Variants in VPS13D observed in about 807,000 individuals in gnomAD.
The protein encoded by VPS13D is intermembrane lipid transfer protein VPS13D.
A neutral mutation model predicts 461.9 loss-of-function variants in VPS13D; 187 were observed. The observed-to-expected ratio is 0.40, with a 90% CI of 0.36 to 0.46. VPS13D has a LOEUF of 0.46. Ranked by LOEUF, VPS13D falls within the 20% of genes least tolerant of loss-of-function variation. The pLI, the probability that VPS13D is intolerant of heterozygous loss-of-function variation, is 0.60. For missense variants in VPS13D, 4,711 were observed against 5,364.9 expected, an observed-to-expected ratio of 0.88 and a Z score of 3.81; for synonymous variants, 1,951 against 1,986.3, an observed-to-expected ratio of 0.98 and a Z score of 0.47.
Position 12,509,235 on chromosome 1 carries a change from A to AT in VPS13D, c.*216dup. On this transcript the variant is annotated 3_prime_UTR_variant, in exon 70 of 70. Coordinates refer to ENST00000620676, the MANE Select transcript of VPS13D (RefSeq NM_015378.4). ...GAGTTATTTTAGATTATGGGAAATA[A>AT]TTTTTAAAGGTATTGGTTAAATAAC... 1 of 578,762 alleles carries AT rather than the reference A, an allele frequency of 1.7e-6. No individual in the cohort carries two copies. Among genetic ancestry groups the AT allele is most frequent in the Non-Finnish European group, 2.9e-6 (1 of 349,884 alleles). The allele number at this position is 578,762 out of a possible 1,614,324, so 35.9% of individuals were successfully genotyped here.
chr1:12,377,013 T>C (rs932342847), intron 55 of VPS13D, among the ~76,000 whole-genome samples: 2 of 152,162 alleles, frequency 1.3e-5, no homozygotes, highest in African/African-American at 4.8e-5. Context: ...GAGGGACATA[T>C]GTCACTGGAT....
At chr1:12,367,866 C>T (rs545597086) in intron 52 of VPS13D, among the ~76,000 whole-genome samples, 133 of 152,252 alleles carry the variant, frequency 8.7e-4, no homozygotes, top group African/African-American at 2.4e-3. Context: ...CTCAGCCTCC[C>T]GAAGTGCTGG....
intron 34 of VPS13D, among the ~76,000 whole-genome samples, chr1:12,323,453 G>A (rs981756596): frequency 6.6e-6 from 1 of 151,852 alleles, no homozygotes; most frequent in Non-Finnish European, 1.5e-5. Flanking sequence ...GGCCAGATGC[G>A]AAATAGACCT....
At chr1:12,454,050 G>T (rs534116972) in intron 65 of VPS13D, among the ~76,000 whole-genome samples, 1 of 152,232 alleles carries the variant, frequency 6.6e-6, no homozygotes, top group East Asian at 1.9e-4. Context: ...GTTCCTCCTT[G>T]GACTAGTAGC....
At chr1:12,366,734 A>G (rs1164953173) in intron 52 of VPS13D, among the ~76,000 whole-genome samples, 1 of 152,224 alleles carries the variant, frequency 6.6e-6, no homozygotes, top group Non-Finnish European at 1.5e-5. Context: ...TTTAAACTAT[A>G]GGAAAGTTAC....
Position 12,378,444 on chromosome 1 carries a change from C to G in VPS13D, c.10934C>G (p.Ser3645Cys). ...ACTTAACAGGAACCAGGAAAGCGTT[C>G]TCAGCTGTGGAGGATGACAGGAACA... is the stretch of plus-strand genomic sequence containing the variant. ...ILKKKEPGKR[S>C]QLWRMTGTGM... Residue 3645 changes from serine to cysteine, a missense_variant, in exon 56 of 70, where the codon TCT becomes TGT. By Grantham distance (112) the Ser-to-Cys change is moderately radical. This residue lies in a region of VPS13D where 4,411 missense variants were observed against 4,937.8 expected (regional missense o/e 0.89). Transcript: ENST00000620676. 1 of 1,606,428 alleles carries G rather than the reference C, an allele frequency of 6.2e-7. No individual in the cohort carries two copies. The highest frequency in any genetic ancestry group is 8.5e-7 in the Non-Finnish European group (1 of 1,177,168).
chr1:12,297,162 A>G (rs142200037), intron 24 of VPS13D, among the ~76,000 whole-genome samples: 1 of 152,142 alleles, frequency 6.6e-6, no homozygotes, highest in Non-Finnish European at 1.5e-5. Context: ...TTCACCTTGT[A>G]TTGGTGACAC....
At position 12,507,193 on chromosome 1, in the gene VPS13D, T is replaced by A. The variant is rs1461069056; in HGVS notation, c.13035+100T>A. On this transcript the variant is annotated intron_variant, in intron 69 of 69. Transcript: ENST00000620676. The surrounding 1 kb of genome is among the most constrained non-coding windows in gnomAD (Gnocchi z 5.3). The stretch of plus-strand genomic sequence containing the variant: ...CTCAGCAGGAGCTCATTTAGGAGGT[T>A]GAGGCTGGGCCCTTCCCAGGAGTGC... 1 of 1,601,418 alleles carries A rather than the reference T, an allele frequency of 6.2e-7. No individual in the cohort carries two copies. The highest frequency in any genetic ancestry group is 8.5e-7 in the Non-Finnish European group (1 of 1,173,584).
intron 26 of VPS13D, among the ~76,000 whole-genome samples, chr1:12,306,749 T>C (rs1642575995): frequency 6.6e-6 from 1 of 152,138 alleles, no homozygotes; most frequent in East Asian, 1.9e-4. Context: ...TGGAAGACAA[T>C]TTTTCCACAG....
intron 67 of VPS13D, among the ~76,000 whole-genome samples, chr1:12,489,692 C>T (rs1645849652): frequency 6.6e-6 from 1 of 152,292 alleles, no homozygotes; most frequent in Non-Finnish European, 1.5e-5. Flanking sequence ...CTCGTGTGCA[C>T]CCATGGCACT....
intron 52 of VPS13D, among the ~76,000 whole-genome samples, chr1:12,364,324 T>A (rs894921059): frequency 2.6e-5 from 4 of 152,198 alleles, no homozygotes. Flanking sequence ...TTTGTCTTTT[T>A]GTGACTGGCT....
rs143614842 is a variant in VPS13D, at chr1:12,283,107, C to T, written c.5005C>T (p.His1669Tyr). Residue 1669 changes from histidine (H) to tyrosine (Y), a missense_variant, in exon 21 of 70, where the codon CAT becomes TAT. Physicochemically the swap from His to Tyr is moderately conservative, Grantham distance 83. Coordinates refer to ENST00000620676, the MANE Select transcript of VPS13D (RefSeq NM_015378.4). Reference protein sequence around the residue: ...PQTLSIQIALHSLLMEDLLEK... With the variant: ...PQTLSIQIALYSLLMEDLLEK... ...GACTTTATCTATTCAGATTGCCCTG[C>T]ATTCTCTGCTGATGGAGGACTTATT... The T allele has an allele frequency of 1.5e-5, 24 of 1,614,034 alleles. No individual in the cohort carries two copies. The highest frequency in any genetic ancestry group is 1.9e-5 in the Non-Finnish European group (23 of 1,180,026).
In VPS13D at chr1:12,262,155, G is replaced by C. The variant is rs190834222; in HGVS notation, c.1594+75G>C. The C allele has an allele frequency of 4.9e-5, 73 of 1,493,032 alleles. No individual in the cohort carries two copies. The African/African-American group carries it at 8.4e-4, about 17-fold the overall frequency. 92.5% of individuals were successfully genotyped at this position (1,493,032 alleles called of 1,614,324 possible). A position where few individuals can be genotyped will look rare whatever the true frequency, so the allele number is the denominator to read the frequency against. On this transcript the variant is annotated intron_variant, in intron 13 of 69. Transcript: ENST00000620676. ...AATGTCCAGGCGATTCTCATTATTTGCTGTGGGGATAGTCTAGAAAGTCAG... is the reference window on the plus strand; with the variant it reads ...AATGTCCAGGCGATTCTCATTATTTCCTGTGGGGATAGTCTAGAAAGTCAG...
chr1:12,279,936 C>A lies in VPS13D; in HGVS notation c.4602+286C>A, dbSNP rs1198581667. Among the ~76,000 whole-genome samples, 2 of 152,076 alleles carry A rather than the reference C, an allele frequency of 1.3e-5. No homozygotes were observed. The highest frequency in any genetic ancestry group is 2.9e-5 in the Non-Finnish European group (2 of 68,012). On this transcript the variant is annotated intron_variant, in intron 20 of 69. Transcript: ENST00000620676. This position sits in a 1 kb window ranked among gnomAD's most constrained non-coding sequence, Gnocchi z 4.3. ...TCAGAAATGGGGAAATGATTGCTTA[C>A]AAAGTCAGAGTCTCCTTTCCCAGGA...
At chr1:12,447,435 A>G (rs1257633373) in intron 65 of VPS13D, among the ~76,000 whole-genome samples, 1 of 152,166 alleles carries the variant, frequency 6.6e-6, no homozygotes, top group Non-Finnish European at 1.5e-5. Flanking sequence ...GAGAGGCCCC[A>G]AAGACAGTGG....
At chr1:12,451,339 CT>C (rs530494898) in intron 65 of VPS13D, among the ~76,000 whole-genome samples, 154 of 152,288 alleles carry the variant, frequency 1.0e-3, no homozygotes, top group Non-Finnish European at 1.6e-3. Context: ...TTTTTACCCC[CT>C]TGCTGAAAAT....
chr1:12,318,255 T>A lies in VPS13D; in HGVS notation c.7332T>A (p.Thr2444=). The stretch of plus-strand genomic sequence containing the variant: ...GCGAATCTGCTATAGTTCCCAAAAC[T>A]GTGAAGAGTGGAGTAGTTACCAAGC... ...SSSESAIVPK[T]VKSGVVTKRS... Residue 2444 remains threonine, a synonymous_variant, in exon 31 of 70, where the codon ACT becomes ACA. Transcript: ENST00000620676. 2 of 1,614,164 alleles carry A rather than the reference T, an allele frequency of 1.2e-6. No homozygotes were observed. Among genetic ancestry groups the A allele is most frequent in the Non-Finnish European group, 1.7e-6 (2 of 1,180,020 alleles).
chr1:12,283,108 A>G lies in VPS13D; in HGVS notation c.5006A>G (p.His1669Arg), dbSNP rs1394902634. 7 of 1,614,094 alleles carry G rather than the reference A, an allele frequency of 4.3e-6. No homozygotes were observed. The highest frequency in any genetic ancestry group is 4.0e-5 in the African/African-American group (3 of 74,934). The part of the protein sequence containing the change: ...PQTLSIQIAL[H>R]SLLMEDLLEK... ...ACTTTATCTATTCAGATTGCCCTGC[A>G]TTCTCTGCTGATGGAGGACTTATTG... is the stretch of plus-strand genomic sequence containing the variant. Residue 1669 changes from histidine to arginine, a missense_variant, in exon 21 of 70, where the codon CAT (histidine) becomes CGT (arginine). His to Arg is a conservative substitution (Grantham distance 29). Around this residue, in one of 3 missense-constraint regions of VPS13D, gnomAD observed 4,411 missense variants for 4,937.8 expected, o/e 0.89. Transcript: ENST00000620676.
rs895589762 is a variant in VPS13D, at chr1:12,361,395, A to T, written c.10142-1325A>T. ...TTTTTATTTATTTATTTATTTATTTATTTATTTATTTTTTTTTTGAGACGG... is the reference window on the plus strand; with the variant it reads ...TTTTTATTTATTTATTTATTTATTTTTTTATTTATTTTTTTTTTGAGACGG... On this transcript the variant is annotated intron_variant, in intron 50 of 69. Coordinates refer to ENST00000620676, the MANE Select transcript of VPS13D (RefSeq NM_015378.4). 2.3e-3 allele frequency among the ~76,000 whole-genome samples: 310 copies of T among 133,396 alleles called. 2 individuals carry two copies. The highest frequency in any genetic ancestry group is 6.0e-3 in the African/African-American group (167 of 28,016). 87.5% of individuals were successfully genotyped at this position (133,396 alleles called of 152,430 possible).
Sources: gnomAD v4.1 joint callset for allele counts (sites outside exome capture counted in the v4.1 genomes callset) on GRCh38, gnomAD v4.1.1 for gene constraint, gnomAD v4.1.1 regional missense constraint, Gnocchi (gnomAD v3.1) non-coding constraint, MANE v1.5 for transcripts, NCBI Gene and HGNC (gene_info 2026-07-23, HGNC 2026-07-21) for gene names.